TJP1: variants seen among roughly 807,000 people sequenced by gnomAD.
The protein encoded by TJP1 is tight junction protein ZO-1.
In TJP1, 43 loss-of-function variants were observed where a neutral mutation model predicts 194.2. That is an observed-to-expected ratio of 0.22 (90% CI 0.17 to 0.29). TJP1 has a LOEUF of 0.29. TJP1 is among the 10% of genes least tolerant of loss of function. TJP1 has a pLI of 1.00. For missense variants in TJP1, 1,971 were observed against 2,185.7 expected, an observed-to-expected ratio of 0.90 and a Z score of 1.96; for synonymous variants, 801 against 779.0, an observed-to-expected ratio of 1.03 and a Z score of -0.47.
chr15:29,886,005 G>A (rs1304586054), intron 2 of TJP1, among the ~76,000 whole-genome samples: 3 of 152,160 alleles, frequency 2.0e-5, no homozygotes, highest in African/African-American at 4.8e-5. Flanking sequence ...TTTTCAAGAC[G>A]TACCAACAAG....
chr15:29,818,564 G>C (rs1266256871), intron 1 of TJP1, among the ~76,000 whole-genome samples: 1 of 152,184 alleles, frequency 6.6e-6, no homozygotes, highest in Non-Finnish European at 1.5e-5. Flanking sequence ...GAGTGCAGTG[G>C]TGCGATCTTG....
intron 3 of TJP1, among the ~76,000 whole-genome samples, chr15:29,773,023 CT>C (rs2046791503): frequency 6.6e-6 from 1 of 152,158 alleles, no homozygotes; most frequent in Non-Finnish European, 1.5e-5. Context: ...CTGCCTCAGC[CT>C]CCCAAAGTGC....
Position 29,710,919 on chromosome 15 carries a change from A to G in TJP1, c.4284T>C (p.Pro1428=). The change falls in exon 24 of 28, where the codon CCT becomes CCC. Residue 1428 remains proline (P), a synonymous_variant. Transcript: ENST00000614355. ...GGGCATACTGCGAGGGCAATGGAGG[A>G]GGAGGGGGAGTGGCCTGGATGGGTT... The part of the protein sequence containing the change: ...RYEPIQATPP[P]PPLPSQYAQP... 1 of 1,614,124 alleles carries G rather than the reference A, an allele frequency of 6.2e-7. No homozygotes were observed. The highest frequency in any genetic ancestry group is 2.2e-5 in the East Asian group (1 of 44,876).
At chr15:29,794,184 C>G in intron 2 of TJP1, among the ~76,000 whole-genome samples, 1 of 151,844 alleles carries the variant, frequency 6.6e-6, no homozygotes, top group South Asian at 2.1e-4. Context: ...CAAAAACAAA[C>G]AAAAAACAAC....
At chr15:29,755,373 T>C (rs952119343) in intron 8 of TJP1, among the ~76,000 whole-genome samples, 2 of 152,214 alleles carry the variant, frequency 1.3e-5, no homozygotes, top group African/African-American at 4.8e-5. Flanking sequence ...TCAGCACTCT[T>C]GGAAAACTCC....
intron 8 of TJP1, among the ~76,000 whole-genome samples, chr15:29,747,076 G>GGA (rs1243309627): frequency 2.0e-5 from 3 of 152,184 alleles, no homozygotes; most frequent in African/African-American, 7.2e-5. Flanking sequence ...CCTGAGGTCA[G>GGA]GAGTTCGAGA....
chr15:29,968,125 G>A (rs2056392737), intron 1 of TJP1: 4 of 985,460 alleles, frequency 4.1e-6, no homozygotes, highest in Non-Finnish European at 4.8e-6. Flanking sequence ...CAGGTCGGAG[G>A]AACTGGAACG....
At position 29,742,746 on chromosome 15, in the gene TJP1, G is replaced by A. The variant is rs1426447704; in HGVS notation, c.1046C>T (p.Pro349Leu). The stretch of plus-strand genomic sequence containing the variant: ...CTTTACAGGAGTTGAGACAGCCCCA[G>A]GTTTAGAAATTCTCTCTTCATCTCT... Reference protein sequence around the residue: ...RSRDEERISKPGAVSTPVKHA... With the variant: ...RSRDEERISKLGAVSTPVKHA... The change falls in exon 9 of 28, where the codon CCT (proline) becomes CTT (leucine). Residue 349 changes from proline to leucine, a missense_variant. Around this residue, in one of 5 missense-constraint regions of TJP1, gnomAD observed 192 missense variants for 182.3 expected, o/e 1.05. Transcript: ENST00000614355. The A allele has an allele frequency of 7.5e-6, 12 of 1,604,430 alleles. No individual in the cohort carries two copies. The highest frequency in any genetic ancestry group is 1.0e-5 in the Non-Finnish European group (12 of 1,176,134).
chr15:29,943,229 A>G (rs930152802), intron 2 of TJP1, among the ~76,000 whole-genome samples: 3 of 152,230 alleles, frequency 2.0e-5, no homozygotes, highest in African/African-American at 4.8e-5. Context: ...TAAAACATGC[A>G]TTCAGTCAAA....
At chr15:29,799,679 T>C (rs2048654333) in intron 2 of TJP1, among the ~76,000 whole-genome samples, 1 of 152,184 alleles carries the variant, frequency 6.6e-6, no homozygotes, top group Non-Finnish European at 1.5e-5. Flanking sequence ...CCTCCCAAAG[T>C]GCTGGGATTA....
chr15:29,790,601 T>C (rs2048008289), intron 2 of TJP1, among the ~76,000 whole-genome samples: 1 of 152,178 alleles, frequency 6.6e-6, no homozygotes, highest in Non-Finnish European at 1.5e-5. Context: ...TTAACGATAG[T>C]TGCCCTATTG....
intron 8 of TJP1, among the ~76,000 whole-genome samples, chr15:29,747,431 G>C (rs1437147299): frequency 6.6e-6 from 1 of 151,890 alleles, no homozygotes; most frequent in Non-Finnish European, 1.5e-5. Flanking sequence ...AGATTAAAAG[G>C]GAAGTGCAAA....
intron 2 of TJP1, among the ~76,000 whole-genome samples, chr15:29,871,251 A>G (rs1462909056): frequency 6.6e-6 from 1 of 152,260 alleles, no homozygotes; most frequent in Non-Finnish European, 1.5e-5. Context: ...GAGATAAAAG[A>G]GACCTCAAAA....
chr15:29,949,425 C>CCTT (rs773811058), intron 2 of TJP1, among the ~76,000 whole-genome samples: 31 of 145,742 alleles, frequency 2.1e-4, no homozygotes, highest in Non-Finnish European at 4.4e-4. Flanking sequence ...TCTACCTCCA[C>CCTT]AACCACCACC....
intron 23 of TJP1, among the ~76,000 whole-genome samples, chr15:29,711,413 TG>T (rs2042236773): frequency 6.6e-6 from 1 of 152,192 alleles, no homozygotes; most frequent in Non-Finnish European, 1.5e-5. Flanking sequence ...TCGCCCAGAC[TG>T]GAGTGCAGTG....
intron 2 of TJP1, among the ~76,000 whole-genome samples, chr15:29,861,056 C>T (rs558509775): frequency 6.6e-6 from 1 of 152,256 alleles, no homozygotes; most frequent in South Asian, 2.1e-4. Context: ...TGGAATGGAA[C>T]CTGCAATATC....
intron 2 of TJP1, among the ~76,000 whole-genome samples, chr15:29,948,590 CTTT>C (rs1322504493): frequency 1.3e-5 from 2 of 152,164 alleles, no homozygotes; most frequent in African/African-American, 4.8e-5. Context: ...TGCCCCTGGC[CTTT>C]ATCCTTGTGG....
intron 23 of TJP1, 112 bp downstream of exon 23, chr15:29,716,499 G>C (rs2042571067): frequency 2.5e-6 from 2 of 787,528 alleles, no homozygotes; most frequent in Admixed American, 2.7e-5. Flanking sequence ...TGAACCACTA[G>C]AGCCTACAGA....
In TJP1 at chr15:29,700,721, CAAAAAA is replaced by C. The variant is rs11464931; in HGVS notation, c.*868_*873del. On this transcript the variant is annotated 3_prime_UTR_variant, in exon 28 of 28. Coordinates refer to ENST00000614355, the MANE Select transcript of TJP1 (RefSeq NM_001330239.4). ...ACAGAAAACCACCACTGCCCCTTGT[CAAAAAA>C]AAAAAAAAAGAAAAGAAAAGAAAAG... 3 of 142,556 alleles carry C rather than the reference CAAAAAA, an allele frequency of 2.1e-5. No individual in the cohort carries two copies. Among genetic ancestry groups the C allele is most frequent in the East Asian group, 1.6e-4 (1 of 6,260 alleles). 8.8% of individuals were successfully genotyped at this position (142,556 alleles called of 1,614,324 possible).
Sources: gnomAD v4.1 joint callset for allele counts (sites outside exome capture counted in the v4.1 genomes callset) on GRCh38, gnomAD v4.1.1 for gene constraint, gnomAD v4.1.1 regional missense constraint, MANE v1.5 for transcripts, NCBI Gene and HGNC (gene_info 2026-07-23, HGNC 2026-07-21) for gene names.